ZFAND3: variants seen among roughly 807,000 people sequenced by gnomAD.
ZFAND3 encodes the protein zinc finger AN1-type containing 3.
In ZFAND3, 10 loss-of-function variants were observed where a neutral mutation model predicts 29.6. The observed-to-expected ratio is 0.34, with a 90% CI of 0.21 to 0.57. The LOEUF is 0.57. ZFAND3 is among the 20% of genes least tolerant of loss of function. ZFAND3 has a pLI of 0.86. For missense variants in ZFAND3, 230 were observed against 304.5 expected, an observed-to-expected ratio of 0.76 and a Z score of 1.82; for synonymous variants, 128 against 112.6, an observed-to-expected ratio of 1.14 and a Z score of -0.87.
At chr6:37,995,772 AT>A (rs58357757) in intron 2 of ZFAND3, among the ~76,000 whole-genome samples, 21 of 152,066 alleles carry the variant, frequency 1.4e-4, no homozygotes, top group Middle Eastern at 3.4e-3. Context: ...AGTGCATGTG[AT>A]TTTTTTTAAA....
chr6:38,100,220 C>A (rs1260013303), intron 4 of ZFAND3, among the ~76,000 whole-genome samples: 1 of 152,098 alleles, frequency 6.6e-6, no homozygotes, highest in Non-Finnish European at 1.5e-5. Flanking sequence ...CACACCACCA[C>A]GCCAAGCTCG....
At chr6:37,902,555 ATGT>A (rs1434298168) in intron 1 of ZFAND3, among the ~76,000 whole-genome samples, 1 of 151,914 alleles carries the variant, frequency 6.6e-6, no homozygotes, top group Admixed American at 6.6e-5. Context: ...ATAAAAGAAA[ATGT>A]TGTTCATATC....
chr6:38,153,811 G>C lies in ZFAND3; in HGVS notation c.*1422G>C. 1 of 985,546 alleles carries C rather than the reference G, an allele frequency of 1.0e-6. No homozygotes were observed. Among genetic ancestry groups the C allele is most frequent in the Non-Finnish European group, 1.2e-6 (1 of 829,992 alleles). 61.1% of individuals were successfully genotyped at this position (985,546 alleles called of 1,614,324 possible). ...TCCCAGTGGTCCTAGTGCCGCATCA[G>C]ATCCAGGTGGGTGAGGGCAGGAGGC... On this transcript the variant is annotated 3_prime_UTR_variant, in exon 6 of 6. Coordinates refer to ENST00000287218, the MANE Select transcript of ZFAND3 (RefSeq NM_021943.3).
chr6:37,843,025 G>A (rs1164002797), intron 1 of ZFAND3, among the ~76,000 whole-genome samples: 1 of 151,840 alleles, frequency 6.6e-6, no homozygotes, highest in Non-Finnish European at 1.5e-5. Flanking sequence ...AGGAGGTTGA[G>A]GCACAAGAAT....
intron 1 of ZFAND3, 74 bp downstream of exon 1, chr6:37,820,090 C>T (rs1763633855): frequency 1.7e-5 from 16 of 931,662 alleles, no homozygotes; most frequent in Admixed American, 6.3e-5. Context: ...GGGCAGGCCT[C>T]GGGGCCCGGG....
chr6:38,032,305 G>T (rs1023425780), intron 2 of ZFAND3, among the ~76,000 whole-genome samples: 1 of 152,126 alleles, frequency 6.6e-6, no homozygotes, highest in African/African-American at 2.4e-5. Context: ...TAGGCTAAAA[G>T]GACGTATTAT....
At chr6:37,893,644 C>G (rs1032061007) in intron 1 of ZFAND3, among the ~76,000 whole-genome samples, 1 of 152,146 alleles carries the variant, frequency 6.6e-6, no homozygotes, top group African/African-American at 2.4e-5. Flanking sequence ...ACCTCTGCCT[C>G]CCAGGTGCTA....
chr6:37,965,407 T>G (rs989605880), intron 2 of ZFAND3, among the ~76,000 whole-genome samples: 1 of 152,148 alleles, frequency 6.6e-6, no homozygotes, highest in Admixed American at 6.5e-5. Context: ...CACATGTAAT[T>G]GGGGAAAATA....
intron 4 of ZFAND3, among the ~76,000 whole-genome samples, chr6:38,105,725 G>A (rs983997674): frequency 6.6e-6 from 1 of 152,068 alleles, no homozygotes; most frequent in Non-Finnish European, 1.5e-5. Flanking sequence ...AGGGGGCATG[G>A]GATCTCTCTG....
chr6:37,844,398 C>G (rs1764138899), intron 1 of ZFAND3, among the ~76,000 whole-genome samples: 1 of 152,110 alleles, frequency 6.6e-6, no homozygotes, highest in African/African-American at 2.4e-5. Flanking sequence ...TCTCCTGCCT[C>G]AGGCTCCCGA....
At chr6:37,854,053 G>A (rs1764332089) in intron 1 of ZFAND3, among the ~76,000 whole-genome samples, 1 of 152,118 alleles carries the variant, frequency 6.6e-6, no homozygotes, top group Non-Finnish European at 1.5e-5. Flanking sequence ...CTGGGTTCAA[G>A]CGATTCTCCT....
Position 38,024,799 on chromosome 6 carries a change from A to T in ZFAND3, c.113-36794A>T, listed in dbSNP as rs183116483. 8.2e-4 allele frequency among the ~76,000 whole-genome samples: 125 copies of T among 152,286 alleles called. 1 individual carries two copies. Among genetic ancestry groups the T allele is most frequent in the Non-Finnish European group, 1.5e-3 (99 of 68,024 alleles). ...ACTCAGATTGGTGGTTACCAGGGGC[A>T]ATAGGAGAGGGAATGGGGAGCAATT... On this transcript the variant is annotated intron_variant, in intron 2 of 5. Transcript: ENST00000287218.
intron 3 of ZFAND3, among the ~76,000 whole-genome samples, chr6:38,068,387 T>C (rs143638668): frequency 6.6e-6 from 1 of 152,356 alleles, no homozygotes; most frequent in African/African-American, 2.4e-5. Context: ...GTATTGTCTG[T>C]GGCTGCTTCT....
intron 2 of ZFAND3, among the ~76,000 whole-genome samples, chr6:38,047,331 A>G (rs974601111): frequency 3.3e-5 from 5 of 151,956 alleles, no homozygotes; most frequent in African/African-American, 1.2e-4. Context: ...AAAAAAAAGA[A>G]AAGAAATATT....
intron 2 of ZFAND3, among the ~76,000 whole-genome samples, chr6:38,006,731 G>T (rs1246468338): frequency 1.4e-5 from 2 of 147,512 alleles, no homozygotes; most frequent in African/African-American, 5.0e-5. Context: ...TGTGGATTCT[G>T]TGAAATCACA....
chr6:38,113,444 T>C (rs775311732), intron 4 of ZFAND3, among the ~76,000 whole-genome samples: 1 of 152,222 alleles, frequency 6.6e-6, no homozygotes, highest in Non-Finnish European at 1.5e-5. Context: ...CTCAGTGGTC[T>C]TTATATTAAT....
At chr6:38,083,719 GA>G (rs1764707727) in intron 4 of ZFAND3, among the ~76,000 whole-genome samples, 1 of 152,082 alleles carries the variant, frequency 6.6e-6, no homozygotes, top group Non-Finnish European at 1.5e-5. Flanking sequence ...TCAAGGAGTT[GA>G]ACCTTGAACA....
At chr6:37,897,657 T>C (rs1194249683) in intron 1 of ZFAND3, among the ~76,000 whole-genome samples, 2 of 152,236 alleles carry the variant, frequency 1.3e-5, no homozygotes, top group African/African-American at 4.8e-5. Context: ...AATTTGGATA[T>C]TTTCAGTCTT....
In ZFAND3 at chr6:38,061,709, A is replaced by G. The variant is rs1581884341; in HGVS notation, c.229A>G (p.Thr77Ala). 6.2e-7 allele frequency: 1 copy of G among 1,614,070 alleles called. No individual in the cohort carries two copies. The highest frequency in any genetic ancestry group is 8.5e-7 in the Non-Finnish European group (1 of 1,180,016). The change falls in exon 3 of 6, where the codon ACT becomes GCT. Residue 77 changes from threonine to alanine, a missense_variant. Coordinates refer to ENST00000287218, the MANE Select transcript of ZFAND3 (RefSeq NM_021943.3). Reference protein sequence around the residue: ...DNNNTSITTPTLSPSQQPLPT... With the variant: ...DNNNTSITTPALSPSQQPLPT... ...CAACAATACCTCGATAACCACGCCA[A>G]CTCTTAGTCCCAGCCAGCAGCCGCT...
Sources: gnomAD v4.1 joint callset for allele counts (sites outside exome capture counted in the v4.1 genomes callset) on GRCh38, gnomAD v4.1.1 for gene constraint, MANE v1.5 for transcripts, NCBI Gene and HGNC (gene_info 2026-07-23, HGNC 2026-07-21) for gene names.